IMPG1: variants seen among roughly 807,000 people sequenced by gnomAD.
IMPG1 encodes interphotoreceptor matrix proteoglycan 1, also known as interphotoreceptor matrix proteoglycan of 150 kDa.
A neutral mutation model predicts 92.0 loss-of-function variants in IMPG1; 85 were observed. The observed-to-expected ratio is 0.92, with a 90% CI of 0.78 to 1.11. The LOEUF is 1.11. Ranked by LOEUF, IMPG1 falls within the 50% of genes least tolerant of loss-of-function variation. The pLI is 0.00. For missense variants in IMPG1, 1,022 were observed against 956.0 expected (o/e 1.07, Z -0.91); for synonymous variants, 367 against 334.1 (o/e 1.10, Z -1.08).
At chr6:75,947,581 G>T (rs749175021) in intron 13 of IMPG1, 48 bp from the exon 14 acceptor site, 1 of 1,299,130 alleles carries the variant, frequency 7.7e-7, no homozygotes. Flanking sequence ...TAAGTGCTCA[G>T]CTGCTGCTAA....
chr6:76,023,157 T>C (rs1294258864), intron 5 of IMPG1, among the ~76,000 whole-genome samples: 1 of 152,032 alleles, frequency 6.6e-6, no homozygotes, highest in Admixed American at 6.6e-5. Flanking sequence ...GGCAAGGCAG[T>C]TTTTTGGCTA....
intron 7 of IMPG1, among the ~76,000 whole-genome samples, chr6:76,017,930 T>C (rs1783321047): frequency 1.3e-5 from 2 of 152,176 alleles, no homozygotes; most frequent in African/African-American, 4.8e-5. Context: ...TTTTTGTATT[T>C]TTAGTAGAGA....
At chr6:76,036,300 G>A (rs1475117670) in intron 2 of IMPG1, among the ~76,000 whole-genome samples, 2 of 152,204 alleles carry the variant, frequency 1.3e-5, no homozygotes, top group Non-Finnish European at 2.9e-5. Flanking sequence ...CTTTGATCCA[G>A]AGGCAGAAGC....
At chr6:75,973,490 T>C (rs759489179) in intron 12 of IMPG1, among the ~76,000 whole-genome samples, 7 of 152,222 alleles carry the variant, frequency 4.6e-5, no homozygotes, top group Non-Finnish European at 8.8e-5. Context: ...TCTCATTTTT[T>C]GAGTACTTGG....
intron 4 of IMPG1, among the ~76,000 whole-genome samples, chr6:76,027,066 A>G (rs1783554273): frequency 6.6e-6 from 1 of 152,230 alleles, no homozygotes; most frequent in South Asian, 2.1e-4. Flanking sequence ...AAAGACAAGC[A>G]CTTGGATCTA....
chr6:75,961,699 A>G (rs1782214552), intron 12 of IMPG1, among the ~76,000 whole-genome samples: 1 of 152,228 alleles, frequency 6.6e-6, no homozygotes, highest in South Asian at 2.1e-4. Flanking sequence ...GAAGGAGATG[A>G]GTTAGCCATG....
intron 5 of IMPG1, among the ~76,000 whole-genome samples, chr6:76,023,607 G>A (rs1392101019): frequency 6.6e-6 from 1 of 152,092 alleles, no homozygotes; most frequent in Admixed American, 6.5e-5. Context: ...TAACTGTTCT[G>A]TGTGTATACT....
intron 12 of IMPG1, among the ~76,000 whole-genome samples, chr6:75,994,913 C>T (rs1782871036): frequency 6.6e-6 from 1 of 152,160 alleles, no homozygotes; most frequent in South Asian, 2.1e-4. Context: ...GCTAGCATCT[C>T]CTAGGATGTG....
intron 12 of IMPG1, among the ~76,000 whole-genome samples, chr6:75,974,378 T>TTC (rs1782486552): frequency 8.9e-6 from 1 of 112,886 alleles, no homozygotes; most frequent in African/African-American, 3.4e-5. Flanking sequence ...TTTCTTTCTT[T>TTC]CTTTCTTTCT....
intron 1 of IMPG1, among the ~76,000 whole-genome samples, chr6:76,049,308 A>G (rs1417876): frequency 0.83 from 125,653 of 152,062 alleles, 53,842 homozygotes; most frequent in Non-Finnish European, 0.94. Flanking sequence ...GTTTTCCTAT[A>G]TAATGAACCT....
intron 12 of IMPG1, among the ~76,000 whole-genome samples, chr6:75,979,815 T>C (rs1322361982): frequency 6.6e-6 from 1 of 152,130 alleles, no homozygotes; most frequent in Non-Finnish European, 1.5e-5. Context: ...AACAAAAGAG[T>C]AACTGTATTT....
At chr6:75,930,889 A>C (rs909712449) in intron 15 of IMPG1, 64 bp downstream of exon 15, 2 of 1,387,028 alleles carry the variant, frequency 1.4e-6, no homozygotes, top group Non-Finnish European at 2.0e-6. Context: ...TACTCTAATG[A>C]TGGGTTTCTC....
intron 12 of IMPG1, among the ~76,000 whole-genome samples, chr6:75,999,125 G>A (rs2059582644): frequency 1.3e-5 from 2 of 152,124 alleles, no homozygotes; most frequent in African/African-American, 4.8e-5. Flanking sequence ...CCAAAGTGCT[G>A]GGATTACAGG....
chr6:75,970,946 GACCCAGCAATCCCATTACTA>G (rs1309935660), intron 12 of IMPG1, among the ~76,000 whole-genome samples: 1 of 152,058 alleles, frequency 6.6e-6, no homozygotes, highest in African/African-American at 2.4e-5. Flanking sequence ...AATACCATTT[GACCCAGCAATCCCATTACTA>G]GGTACATACC....
In IMPG1 at chr6:76,018,725, T is replaced by C. The variant is rs747068520; in HGVS notation, c.800A>G (p.Gln267Arg). The C allele has an allele frequency of 1.9e-6, 3 of 1,613,172 alleles. No homozygotes were observed. In the Admixed American group the frequency reaches 5.0e-5, roughly 27 times the overall value. The change falls in exon 7 of 17, where the codon CAA becomes CGA. Residue 267 changes from glutamine (Q) to arginine (R), a missense_variant. Gln to Arg is a conservative substitution (Grantham distance 43). Coordinates refer to ENST00000369950, the MANE Select transcript of IMPG1 (RefSeq NM_001563.4). ...PYYQELAGKSQLQMQKIFKKL... is the reference protein window; with the variant it reads ...PYYQELAGKSRLQMQKIFKKL... The stretch of plus-strand genomic sequence containing the variant: ...TGGGCCGGGTCTACTCACCTGAAGT[T>C]GGGACTTTCCTGCTAGCTCCTGGTA...
chr6:76,003,912 G>C lies in IMPG1; in HGVS notation c.1174C>G (p.Gln392Glu). 6.2e-7 allele frequency: 1 copy of C among 1,613,250 alleles called. No individual in the cohort carries two copies. ...GCAAAAGATGTGGGCAGCTCTGATT[G>C]GGTGTCAGGACCAAAGGCTGGCAGT... ...GSLPAFGPDT[Q>E]SELPTSFAVI... Residue 392 changes from glutamine (Q) to glutamate (E), a missense_variant, in exon 11 of 17, where the codon CAA becomes GAA. Coordinates refer to ENST00000369950, the MANE Select transcript of IMPG1 (RefSeq NM_001563.4).
chr6:76,024,960 G>T (rs1783497477), intron 5 of IMPG1: 1 of 575,648 alleles, frequency 1.7e-6, no homozygotes, highest in South Asian at 1.5e-5. Flanking sequence ...TGTTCATGAT[G>T]GTTGTTTCCA....
intron 12 of IMPG1, among the ~76,000 whole-genome samples, chr6:75,991,058 T>G (rs1016299817): frequency 6.6e-6 from 1 of 152,156 alleles, no homozygotes; most frequent in Non-Finnish European, 1.5e-5. Context: ...CTGTGGTTGG[T>G]TATTCTCTGG....
At chr6:76,024,439 A>G (rs927961971) in intron 5 of IMPG1, among the ~76,000 whole-genome samples, 4 of 152,186 alleles carry the variant, frequency 2.6e-5, no homozygotes, top group Admixed American at 2.0e-4. Flanking sequence ...TATACATGAA[A>G]GAGAAATTTC....
Sources: gnomAD v4.1 joint callset for allele counts (sites outside exome capture counted in the v4.1 genomes callset) on GRCh38, gnomAD v4.1.1 for gene constraint, MANE v1.5 for transcripts, NCBI Gene and HGNC (gene_info 2026-07-23, HGNC 2026-07-21) for gene names.